Variants in EPC2 observed in about 807,000 individuals in gnomAD.
EPC2 encodes enhancer of polycomb 2, also known as enhancer of polycomb homolog 2.
In EPC2, 14 loss-of-function variants were observed where a neutral mutation model predicts 92.1. The observed-to-expected ratio is 0.15, with a 90% CI of 0.10 to 0.24. The LOEUF (loss-of-function observed/expected upper bound fraction) is 0.24. Ranked by LOEUF, EPC2 falls within the 10% of genes least tolerant of loss-of-function variation. The pLI, the probability that EPC2 is intolerant of heterozygous loss-of-function variation, is 1.00. For synonymous variants in EPC2, 340 were observed against 334.7 expected, an observed-to-expected ratio of 1.02 and a Z score of -0.17; for missense variants, 755 against 971.5, an observed-to-expected ratio of 0.78 and a Z score of 2.96.
chr2:148,727,828 A>G (rs555817381), intron 2 of EPC2, among the ~76,000 whole-genome samples: 64 of 152,346 alleles, frequency 4.2e-4, no homozygotes, highest in Non-Finnish European at 6.9e-4. Context: ...GTTTTATTTC[A>G]AAAGATAATG....
At chr2:148,690,459 AT>A in intron 2 of EPC2, 86 bp downstream of exon 2, 1 of 1,281,096 alleles carries the variant, frequency 7.8e-7, no homozygotes, top group Non-Finnish European at 1.1e-6. Context: ...AGAAATTCTG[AT>A]TTTTTAATTC....
chr2:148,706,748 A>G (rs1682008130), intron 2 of EPC2, among the ~76,000 whole-genome samples: 1 of 152,238 alleles, frequency 6.6e-6, no homozygotes, highest in South Asian at 2.1e-4. Context: ...AGCCAAACTA[A>G]GCTTCATAAG....
At chr2:148,743,091 G>A (rs1281423591) in intron 2 of EPC2, among the ~76,000 whole-genome samples, 1 of 151,966 alleles carries the variant, frequency 6.6e-6, no homozygotes, top group East Asian at 1.9e-4. Flanking sequence ...ATTTTTATGT[G>A]TTTTACTTTT....
At chr2:148,654,953 A>G (rs1392074866) in intron 1 of EPC2, among the ~76,000 whole-genome samples, 1 of 152,174 alleles carries the variant, frequency 6.6e-6, no homozygotes. Context: ...ATGAAAATCT[A>G]TGCAGTGGGT....
intron 7 of EPC2, among the ~76,000 whole-genome samples, chr2:148,767,217 G>A (rs909240136): frequency 7.0e-6 from 1 of 142,976 alleles, no homozygotes; most frequent in Admixed American, 6.9e-5. Context: ...AAAAAAAAAT[G>A]AATGATACTG....
At chr2:148,718,164 T>C (rs534806508) in intron 2 of EPC2, among the ~76,000 whole-genome samples, 1 of 152,186 alleles carries the variant, frequency 6.6e-6, no homozygotes, top group Non-Finnish European at 1.5e-5. Context: ...CCCTTGAAGG[T>C]AGCGTAGCAA....
At chr2:148,764,283 T>C (rs1298510953) in intron 6 of EPC2, among the ~76,000 whole-genome samples, 1 of 152,118 alleles carries the variant, frequency 6.6e-6, no homozygotes, top group African/African-American at 2.4e-5. Flanking sequence ...CTAGATCCCT[T>C]TTTATTAAAA....
intron 3 of EPC2, among the ~76,000 whole-genome samples, chr2:148,751,546 G>T (rs527778392): frequency 6.6e-6 from 1 of 152,062 alleles, no homozygotes; most frequent in Non-Finnish European, 1.5e-5. Flanking sequence ...GAGTTAGGGG[G>T]TCTCAGTATG....
chr2:148,736,621 T>C (rs1682760934), intron 2 of EPC2, among the ~76,000 whole-genome samples: 1 of 152,178 alleles, frequency 6.6e-6, no homozygotes, highest in Non-Finnish European at 1.5e-5. Flanking sequence ...TGAATTTATA[T>C]TACGATTTCT....
intron 1 of EPC2, among the ~76,000 whole-genome samples, chr2:148,655,631 T>C (rs1680776134): frequency 6.6e-6 from 1 of 152,150 alleles, no homozygotes; most frequent in Admixed American, 6.5e-5. Context: ...TGTTAGAAGT[T>C]TATGTTTTCT....
chr2:148,759,369 A>T (rs1012106883), intron 4 of EPC2, among the ~76,000 whole-genome samples: 4 of 152,268 alleles, frequency 2.6e-5, no homozygotes, highest in African/African-American at 9.6e-5. Context: ...CTGGGATTAC[A>T]GGCGTGAGCC....
intron 1 of EPC2, among the ~76,000 whole-genome samples, chr2:148,651,603 G>C (rs1346675673): frequency 1.3e-5 from 2 of 152,112 alleles, no homozygotes; most frequent in African/African-American, 4.8e-5. Flanking sequence ...TATGATTCTG[G>C]AGTTTTTGTT....
intron 1 of EPC2, among the ~76,000 whole-genome samples, chr2:148,658,502 C>T (rs537789613): frequency 1.2e-4 from 18 of 151,948 alleles, no homozygotes; most frequent in African/African-American, 4.1e-4. Flanking sequence ...CTGTTCTGCA[C>T]GTGTCTGCAA....
At chr2:148,662,186 T>C (rs1680950966) in intron 1 of EPC2, among the ~76,000 whole-genome samples, 1 of 152,112 alleles carries the variant, frequency 6.6e-6, no homozygotes. Flanking sequence ...GGAGAGGATG[T>C]GGAGAAATAG....
intron 11 of EPC2, among the ~76,000 whole-genome samples, chr2:148,783,296 G>A (rs577356460): frequency 6.6e-6 from 1 of 152,236 alleles, no homozygotes; most frequent in Admixed American, 6.5e-5. Flanking sequence ...TTTTATCCAA[G>A]TATGTAGTTT....
chr2:148,783,721 G>A lies in EPC2; in HGVS notation c.1982G>A (p.Gly661Asp). Residue 661 changes from glycine (G) to aspartate (D), a missense_variant, in exon 12 of 14, where the codon GGC becomes GAC. This residue lies in a region of EPC2 where 207 missense variants were observed against 260.5 expected (regional missense o/e 0.79). Coordinates refer to ENST00000258484, the MANE Select transcript of EPC2 (RefSeq NM_015630.4). Reference protein sequence around the residue: ...RSEVAKEQNTGHNNINGVVQP... With the variant: ...RSEVAKEQNTDHNNINGVVQP... ...GAGGTAGCCAAGGAACAGAACACTGGCCACAACAACATAAACGGTGTTGTC... is the reference window on the plus strand; with the variant it reads ...GAGGTAGCCAAGGAACAGAACACTGACCACAACAACATAAACGGTGTTGTC... 1 of 1,592,500 alleles carries A rather than the reference G, an allele frequency of 6.3e-7. No individual in the cohort carries two copies. Among genetic ancestry groups the A allele is most frequent in the Non-Finnish European group, 8.6e-7 (1 of 1,168,566 alleles).
At chr2:148,705,949 A>C (rs539182280) in intron 2 of EPC2, among the ~76,000 whole-genome samples, 1 of 152,222 alleles carries the variant, frequency 6.6e-6, no homozygotes, top group Non-Finnish European at 1.5e-5. Context: ...TTCTCCTCCA[A>C]AGGATCACAG....
chr2:148,739,603 A>G (rs1191402406), intron 2 of EPC2, among the ~76,000 whole-genome samples: 1 of 152,122 alleles, frequency 6.6e-6, no homozygotes, highest in Non-Finnish European at 1.5e-5. Context: ...TGAATGCTTT[A>G]TATATTCAAA....
At chr2:148,705,828 CA>C (rs1002047472) in intron 2 of EPC2, among the ~76,000 whole-genome samples, 4 of 152,108 alleles carry the variant, frequency 2.6e-5, no homozygotes, top group Non-Finnish European at 5.9e-5. Flanking sequence ...ACATCCACAC[CA>C]AAACCTCATC....
Sources: gnomAD v4.1 joint callset for allele counts (sites outside exome capture counted in the v4.1 genomes callset) on GRCh38, gnomAD v4.1.1 for gene constraint, gnomAD v4.1.1 regional missense constraint, MANE v1.5 for transcripts, NCBI Gene and HGNC (gene_info 2026-07-23, HGNC 2026-07-21) for gene names.